The following AQP3 variants were observed in gnomAD, a reference collection of about 807,000 sequenced individuals.
AQP3 encodes aquaporin-3.
A neutral mutation model predicts 30.3 loss-of-function variants in AQP3; 15 were observed. That is an observed-to-expected ratio of 0.49 (90% CI 0.33 to 0.76). The LOEUF is 0.76. AQP3 is among the 30% of genes least tolerant of loss of function. The pLI is 0.02. For missense variants in AQP3, 272 were observed against 384.8 expected, an observed-to-expected ratio of 0.71 and a Z score of 2.45; for synonymous variants, 153 against 163.2, an observed-to-expected ratio of 0.94 and a Z score of 0.47.
Position 33,442,189 on chromosome 9 carries a change from CCCA to C in AQP3, c.730_732del (p.Trp244del). On this transcript the variant is annotated inframe_deletion, in exon 6 of 6. Coordinates refer to ENST00000297991, the MANE Select transcript of AQP3 (RefSeq NM_004925.5). The stretch of plus-strand genomic sequence containing the variant: ...CCCAGGAGTGGGGACACGATGGGCA[CCCA>C]CCACCAATGCTGGCCGGTCCTGGGG... The C allele has an allele frequency of 6.2e-7, 1 of 1,612,922 alleles. No homozygotes were observed. Among genetic ancestry groups the C allele is most frequent in the Non-Finnish European group, 8.5e-7 (1 of 1,179,838 alleles).
chr9:33,447,471 C>T lies in AQP3; in HGVS notation c.60G>A (p.Arg20=), dbSNP rs1229268414. The T allele has an allele frequency of 6.2e-7, 1 of 1,610,476 alleles. No individual in the cohort carries two copies. Among genetic ancestry groups the T allele is most frequent in the Non-Finnish European group, 8.5e-7 (1 of 1,178,856 alleles). Residue 20 remains arginine, a synonymous_variant, in exon 1 of 6, where the codon CGG becomes CGA. Coordinates refer to ENST00000297991, the MANE Select transcript of AQP3 (RefSeq NM_004925.5). The stretch of plus-strand genomic sequence containing the variant: ...ACTCGGCCAGCGCCTGTCGGAGCAG[C>T]CGGTAGCGGATGTGGAGCATCTCCC... ...RCGEMLHIRY[R]LLRQALAECL... is the part of the protein sequence containing the mutation.
rs200785872 is a variant in AQP3 at position 33,441,713 on chromosome 9, A to C, written c.*330T>G. The C allele has an allele frequency of 0.27, 81,085 of 296,828 alleles. 8,659 individuals are homozygous for C. The highest frequency in any genetic ancestry group is 0.32 in the East Asian group (7,675 of 24,126). The allele number at this position is 296,828 out of a possible 1,614,324, so 18.4% of individuals were successfully genotyped here. On this transcript the variant is annotated 3_prime_UTR_variant, in exon 6 of 6. Transcript: ENST00000297991. ...CCCTGAATATCTGGGAACCCCCCCC[A>C]CACACACACACCCCTGCACACACAT...
At position 33,441,704 on chromosome 9, in the gene AQP3, A is replaced by ACCCC. The variant is rs58994930; in HGVS notation, c.*335_*338dup. 1.8e-3 allele frequency: 692 copies of ACCCC among 386,806 alleles called. 3 individuals carry two copies. In the African/African-American group the frequency reaches 0.019, roughly 10 times the overall value. 24.0% of individuals were successfully genotyped at this position (386,806 alleles called of 1,614,324 possible). On this transcript the variant is annotated 3_prime_UTR_variant, in exon 6 of 6. Coordinates refer to ENST00000297991, the MANE Select transcript of AQP3 (RefSeq NM_004925.5). ...GGTCCCTTGCCCTGAATATCTGGGAACCCCCCCCACACACACACACCCCTG... is the reference window on the plus strand; with the variant it reads ...GGTCCCTTGCCCTGAATATCTGGGAACCCCCCCCCCCCACACACACACACCCCTG...
chr9:33,447,403 C>T lies in AQP3; in HGVS notation c.108+20G>A, dbSNP rs1319704265. On this transcript the variant is annotated intron_variant, in intron 1 of 5. Transcript: ENST00000297991. ...GCAAGGGCTGGAGAGAGAAGGGCTT[C>T]CCCGGCTCCCTCCACTCACCACCAG... 26 of 1,563,808 alleles carry T rather than the reference C, an allele frequency of 1.7e-5. No homozygotes were observed. In the South Asian group the frequency reaches 1.7e-4, roughly 10 times the overall value.
rs138913439 is a variant in AQP3 at position 33,443,519 on chromosome 9, C to A, written c.236-61G>T. ...CCTGCCACAGTCGGCAGGCTAGGGT[C>A]CCCTGAGAAGGGGTGCAGAGAGGGG... On this transcript the variant is annotated intron_variant, in intron 2 of 5. Transcript: ENST00000297991. The surrounding 1 kb of genome is among the most constrained non-coding windows in gnomAD (Gnocchi z 5.0). 1.1e-5 allele frequency: 17 copies of A among 1,584,012 alleles called. 1 individual carries two copies. In the African/African-American group the frequency reaches 1.2e-4, roughly 11 times the overall value.
chr9:33,444,460 C>T (rs764324554), intron 1 of AQP3, among the ~76,000 whole-genome samples: 7 of 152,080 alleles, frequency 4.6e-5, no homozygotes, highest in Middle Eastern at 3.4e-3. Context: ...ATTAGCCAGG[C>T]GTGGTGGCAG....
In AQP3 at chr9:33,441,705, C is replaced by G. The variant is rs1563865729; in HGVS notation, c.*338G>C. 6.2e-6 allele frequency: 2 copies of G among 323,834 alleles called. No individual in the cohort carries two copies. Among genetic ancestry groups the G allele is most frequent in the Non-Finnish European group, 1.0e-5 (2 of 199,746 alleles). 20.1% of individuals were successfully genotyped at this position (323,834 alleles called of 1,614,324 possible). A position where few individuals can be genotyped will look rare whatever the true frequency, so the allele number is the denominator to read the frequency against. ...GTCCCTTGCCCTGAATATCTGGGAA[C>G]CCCCCCCACACACACACACCCCTGC... is the stretch of plus-strand genomic sequence containing the variant. On this transcript the variant is annotated 3_prime_UTR_variant, in exon 6 of 6. Coordinates refer to ENST00000297991, the MANE Select transcript of AQP3 (RefSeq NM_004925.5).
chr9:33,444,019 G>T, intron 1 of AQP3, 127 bp from the exon 2 acceptor site: 2 of 1,220,456 alleles, frequency 1.6e-6, no homozygotes, highest in Non-Finnish European at 2.2e-6. Flanking sequence ...CTGGAACCCA[G>T]CCCAAACCCC....
At chr9:33,447,153 G>A (rs1335114203) in intron 1 of AQP3, among the ~76,000 whole-genome samples, 1 of 152,240 alleles carries the variant, frequency 6.6e-6, no homozygotes, top group Admixed American at 6.5e-5. Context: ...CCTGTTGGCT[G>A]AGTCACTTGT....
In AQP3 at chr9:33,447,464, G is replaced by A; in HGVS notation, c.67C>T (p.Arg23Ter). The change falls in exon 1 of 6, where the codon CGA becomes TGA. Residue 23 changes from arginine to a stop codon, truncating the protein, a stop_gained. Coordinates refer to ENST00000297991, the MANE Select transcript of AQP3 (RefSeq NM_004925.5). LOFTEE classifies it high-confidence loss of function. ...CCCAGGCACTCGGCCAGCGCCTGTCGGAGCAGCCGGTAGCGGATGTGGAGC... is the reference window on the plus strand; with the variant it reads ...CCCAGGCACTCGGCCAGCGCCTGTCAGAGCAGCCGGTAGCGGATGTGGAGC... ...EMLHIRYRLL[R>*]QALAECLGTL... 6.2e-7 allele frequency: 1 copy of A among 1,608,904 alleles called. No homozygotes were observed. The highest frequency in any genetic ancestry group is 8.5e-7 in the Non-Finnish European group (1 of 1,178,454).
Position 33,443,926 on chromosome 9 carries a change from G to A in AQP3, c.109-34C>T. The A allele has an allele frequency of 1.2e-6, 2 of 1,607,022 alleles. No individual in the cohort carries two copies. The highest frequency in any genetic ancestry group is 1.7e-6 in the Non-Finnish European group (2 of 1,175,772). On this transcript the variant is annotated intron_variant, in intron 1 of 5. Coordinates refer to ENST00000297991, the MANE Select transcript of AQP3 (RefSeq NM_004925.5). This position sits in a 1 kb window ranked among gnomAD's most constrained non-coding sequence, Gnocchi z 5.0. ...AAGAAGAACAGGCAGGGAGGGTGAG[G>A]ACCAGCAACTCTCACTCCAGAAGGA... is the stretch of plus-strand genomic sequence containing the variant.
At position 33,443,773 on chromosome 9, in the gene AQP3, C is replaced by T; in HGVS notation, c.228G>A (p.Gln76=). The T allele has an allele frequency of 6.2e-7, 1 of 1,613,964 alleles. No individual in the cohort carries two copies. Among genetic ancestry groups the T allele is most frequent in the Non-Finnish European group, 8.5e-7 (1 of 1,179,972 alleles). The part of the protein sequence containing the change: ...AVTLGILIAG[Q]VSGAHLNPAV... ...GCAGGGTTAAGGCCTTACCAGAGAC[C>T]TGGCCAGCGATGAGGATGCCCAGAG... Residue 76 remains glutamine, a synonymous_variant, in exon 2 of 6, where the codon CAG becomes CAA. Transcript: ENST00000297991. This position sits in a 1 kb window ranked among gnomAD's most constrained non-coding sequence, Gnocchi z 5.0.
In AQP3 at chr9:33,443,122, G is replaced by A; in HGVS notation, c.374-152C>T. On this transcript the variant is annotated intron_variant, in intron 3 of 5. Coordinates refer to ENST00000297991, the MANE Select transcript of AQP3 (RefSeq NM_004925.5). This position sits in a 1 kb window ranked among gnomAD's most constrained non-coding sequence, Gnocchi z 5.0. ...CAGAGGGGGTGGCGTGGGGTGGGGTGGAGGGCCTGAGACTCTGTTATTGCC... is the reference window on the plus strand; with the variant it reads ...CAGAGGGGGTGGCGTGGGGTGGGGTAGAGGGCCTGAGACTCTGTTATTGCC... 9.5e-7 allele frequency: 1 copy of A among 1,056,846 alleles called. No individual in the cohort carries two copies. Among genetic ancestry groups the A allele is most frequent in the Non-Finnish European group, 1.4e-6 (1 of 706,460 alleles). 65.5% of individuals were successfully genotyped at this position (1,056,846 alleles called of 1,614,324 possible).
intron 1 of AQP3, among the ~76,000 whole-genome samples, chr9:33,445,719 G>A (rs573656394): frequency 3.3e-5 from 5 of 151,906 alleles, no homozygotes; most frequent in African/African-American, 4.8e-5. Flanking sequence ...GGCCAGCACC[G>A]CCCCCTGCCC....
chr9:33,447,267 T>C (rs1826928251), intron 1 of AQP3, among the ~76,000 whole-genome samples, 156 bp downstream of exon 1: 1 of 152,294 alleles, frequency 6.6e-6, no homozygotes, highest in Non-Finnish European at 1.5e-5. Flanking sequence ...AAGAGGACTT[T>C]GGAAGTCAGC....
At position 33,441,711 on chromosome 9, in the gene AQP3, C is replaced by CCA. The variant is rs1554640557; in HGVS notation, c.*330_*331dup. Reference sequence around the variant, plus strand: ...TGCCCTGAATATCTGGGAACCCCCCCCACACACACACACCCCTGCACACAC... The same window carrying CCA: ...TGCCCTGAATATCTGGGAACCCCCCCCACACACACACACACCCCTGCACACAC... On this transcript the variant is annotated 3_prime_UTR_variant, in exon 6 of 6. Coordinates refer to ENST00000297991, the MANE Select transcript of AQP3 (RefSeq NM_004925.5). 5.7e-4 allele frequency: 239 copies of CCA among 418,196 alleles called. No homozygotes were observed. Among genetic ancestry groups the CCA allele is most frequent in the Non-Finnish European group, 8.2e-4 (195 of 236,932 alleles). 25.9% of individuals were successfully genotyped at this position (418,196 alleles called of 1,614,324 possible).
chr9:33,447,096 G>A (rs1826923934), intron 1 of AQP3, among the ~76,000 whole-genome samples: 1 of 152,254 alleles, frequency 6.6e-6, no homozygotes, highest in Non-Finnish European at 1.5e-5. Flanking sequence ...GGGAGGCAGG[G>A]GAAGTGGCTG....
chr9:33,442,140 T>G lies in AQP3; in HGVS notation c.782A>C (p.Tyr261Ser), dbSNP rs776368604. 3 of 1,613,362 alleles carry G rather than the reference T, an allele frequency of 1.9e-6. No homozygotes were observed. Among genetic ancestry groups the G allele is most frequent in the Non-Finnish European group, 2.5e-6 (3 of 1,180,000 alleles). Residue 261 changes from tyrosine to serine, a missense_variant, in exon 6 of 6, where the codon TAC becomes TCC. Tyr to Ser is a moderately radical substitution (Grantham distance 144). This residue lies in a region of AQP3 where 51 missense variants were observed against 51.8 expected (regional missense o/e 0.98). Coordinates refer to ENST00000297991, the MANE Select transcript of AQP3 (RefSeq NM_004925.5). The stretch of plus-strand genomic sequence containing the variant: ...CAGGTGGCAGCCGATCATCAGCTGG[T>G]ACACGAAGACACCCGCAATGGAGCC... ...LLGSIAGVFV[Y>S]QLMIGCHLEQ...
At position 33,442,690 on chromosome 9, in the gene AQP3, G is replaced by A. The variant is rs908281080; in HGVS notation, c.492+162C>T. ...CGTGACAAGAACCCGCTGGAGAGCC[G>A]CATGTTTTGTAAGTACTTGCCACCA... On this transcript the variant is annotated intron_variant, in intron 4 of 5. Transcript: ENST00000297991. 4.3e-5 allele frequency: 45 copies of A among 1,054,746 alleles called. 1 individual carries two copies. The highest frequency in any genetic ancestry group is 2.4e-4 in the East Asian group (10 of 42,144). 65.3% of individuals were successfully genotyped at this position (1,054,746 alleles called of 1,614,324 possible).
Sources: allele counts gnomAD v4.1 joint callset (sites outside exome capture counted in the v4.1 genomes callset), GRCh38; gene constraint gnomAD v4.1.1; regional missense constraint gnomAD v4.1.1; non-coding constraint Gnocchi (gnomAD v3.1); transcripts MANE v1.5; gene names NCBI Gene and HGNC (gene_info 2026-07-23, HGNC 2026-07-21).